The following ITGB2 variants were observed in gnomAD, a reference collection of about 807,000 sequenced individuals.
The protein encoded by ITGB2 is integrin beta-2.
Under a neutral mutation model 86.8 loss-of-function variants are expected in ITGB2, and 56 were observed. That is an observed-to-expected ratio of 0.65 (90% confidence interval 0.52 to 0.81). The LOEUF is 0.81. Ranked by LOEUF, ITGB2 falls within the 30% of genes least tolerant of loss-of-function variation. ITGB2 has a pLI of 0.00. For missense variants in ITGB2, 948 were observed against 1,061.2 expected (o/e 0.89, Z 1.48); for synonymous variants, 457 against 450.4 (o/e 1.01, Z -0.19).
Position 44,891,903 on chromosome 21 carries a change from G to C in ITGB2, c.1318C>G (p.Gln440Glu), listed in dbSNP as rs2083790894. 2 of 1,613,112 alleles carry C rather than the reference G, an allele frequency of 1.2e-6. No homozygotes were observed. Among genetic ancestry groups the C allele is most frequent in the African/African-American group, 2.7e-5 (2 of 74,950 alleles). Residue 440 changes from glutamine to glutamate, a missense_variant, in exon 11 of 16, where the codon CAG becomes GAG. Gln to Glu is a conservative substitution (Grantham distance 29). Coordinates refer to ENST00000652462, the MANE Select transcript of ITGB2 (RefSeq NM_000211.5). ...CGGCACTCACACTGGGGAAGAACCT[G>C]CACGGTCACTATGTCCGTGAAGCCC... is the stretch of plus-strand genomic sequence containing the variant. ...ALGFTDIVTV[Q>E]VLPQCECRCR...
chr21:44,900,405 C>T lies in ITGB2; in HGVS notation c.812G>A (p.Gly271Asp), dbSNP rs2083934883. Reference sequence around the variant, plus strand: ...CAGGATGGCGCCCAGCTTCCCGTCGCCCGCGAAATGGAAGCCGTCATCAGT... The same window carrying T: ...CAGGATGGCGCCCAGCTTCCCGTCGTCCGCGAAATGGAAGCCGTCATCAGT... Reference protein sequence around the residue: ...FATDDGFHFAGDGKLGAILTP... With the variant: ...FATDDGFHFADDGKLGAILTP... The change falls in exon 7 of 16, where the codon GGC becomes GAC. Residue 271 changes from glycine (G) to aspartate (D), a missense_variant. Transcript: ENST00000652462. 1 of 1,613,982 alleles carries T rather than the reference C, an allele frequency of 6.2e-7. No homozygotes were observed. Among genetic ancestry groups the T allele is most frequent in the Non-Finnish European group, 8.5e-7 (1 of 1,179,958 alleles).
chr21:44,905,025 G>A (rs1049370969), intron 4 of ITGB2, among the ~76,000 whole-genome samples: 1 of 152,246 alleles, frequency 6.6e-6, no homozygotes, highest in African/African-American at 2.4e-5. Context: ...TTTGGGGGCC[G>A]TGCGGCGTCT....
rs766199035 is a variant in ITGB2, at chr21:44,886,877, G to A, written c.2106C>T (p.Ala702=). The A allele has an allele frequency of 5.3e-5, 85 of 1,613,412 alleles. No homozygotes were observed. The highest frequency in any genetic ancestry group is 3.1e-4 in the East Asian group (14 of 44,882). The change falls in exon 15 of 16, where the codon GCC becomes GCT. Residue 702 remains alanine, a synonymous_variant. Transcript: ENST00000652462. The part of the protein sequence containing the change: ...SRECVAGPNI[A]AIVGGTVAGI... Reference sequence around the variant, plus strand: ...CTGCCACGGTGCCCCCGACGATGGCGGCGATGTTGGGGCCTGCCACACACT... The same window carrying A: ...CTGCCACGGTGCCCCCGACGATGGCAGCGATGTTGGGGCCTGCCACACACT...
chr21:44,903,349 A>G lies in ITGB2; in HGVS notation c.499+16T>C. 6.2e-7 allele frequency: 1 copy of G among 1,613,958 alleles called. No homozygotes were observed. On this transcript the variant is annotated intron_variant, in intron 5 of 15. Coordinates refer to ENST00000652462, the MANE Select transcript of ITGB2 (RefSeq NM_000211.5). ...GGGAAAGGACTGGGTTTTGTCCTGCAGTGCCTGGGCCTCACCAATGCGGCC... is the reference window on the plus strand; with the variant it reads ...GGGAAAGGACTGGGTTTTGTCCTGCGGTGCCTGGGCCTCACCAATGCGGCC...
rs2083736532 is a variant in ITGB2 at position 44,888,779 on chromosome 21, C to T, written c.1994G>A (p.Arg665Lys). 1.2e-6 allele frequency: 2 copies of T among 1,612,176 alleles called. No homozygotes were observed. The highest frequency in any genetic ancestry group is 4.5e-5 in the East Asian group (2 of 44,878). The change falls in exon 14 of 16, where the codon AGG (arginine) becomes AAG (lysine). Residue 665 changes from arginine (R) to lysine (K), a missense_variant. Coordinates refer to ENST00000652462, the MANE Select transcript of ITGB2 (RefSeq NM_000211.5). ...GGCCACCCAGCAGCCCTCTGAGTCC[C>T]TCTCCTTGCAGGTCCTGCCCTTCAC... ...NPVKGRTCKERDSEGCWVAYT... is the reference protein window; with the variant it reads ...NPVKGRTCKEKDSEGCWVAYT...
rs1225514040 is a variant in ITGB2, at chr21:44,901,543, C to G, written c.690G>C (p.Leu230=). Reference sequence around the variant, plus strand: ...CGTCCAGCCCACCCTCGGGTGCATCCAGGTTTCCGGAAATCAGCTGCTTCC... The same window carrying G: ...CGTCCAGCCCACCCTCGGGTGCATCGAGGTTTCCGGAAATCAGCTGCTTCC... ...EVGKQLISGN[L]DAPEGGLDAM... The change falls in exon 6 of 16, where the codon CTG becomes CTC. Residue 230 remains leucine, a synonymous_variant. Coordinates refer to ENST00000652462, the MANE Select transcript of ITGB2 (RefSeq NM_000211.5). The G allele has an allele frequency of 6.2e-7, 1 of 1,614,254 alleles. No individual in the cohort carries two copies. Among genetic ancestry groups the G allele is most frequent in the South Asian group, 1.1e-5 (1 of 91,092 alleles).
chr21:44,900,313 G>A lies in ITGB2; in HGVS notation c.897+7C>T, dbSNP rs1246881217. On this transcript the variant is annotated splice_region_variant and intron_variant, in intron 7 of 15. Transcript: ENST00000652462. ...GCGGTGCCTGGGTGCCTGGGGTGGGGACTTACGAATTCGTTGCTCCTCTTG... is the reference window on the plus strand; with the variant it reads ...GCGGTGCCTGGGTGCCTGGGGTGGGAACTTACGAATTCGTTGCTCCTCTTG... 4.3e-6 allele frequency: 7 copies of A among 1,614,194 alleles called. No individual in the cohort carries two copies. The highest frequency in any genetic ancestry group is 5.9e-6 in the Non-Finnish European group (7 of 1,180,008).
At position 44,903,454 on chromosome 21, in the gene ITGB2, T is replaced by A; in HGVS notation, c.410A>T (p.Tyr137Phe). 1 of 1,613,712 alleles carries A rather than the reference T, an allele frequency of 6.2e-7. No homozygotes were observed. The highest frequency in any genetic ancestry group is 8.5e-7 in the Non-Finnish European group (1 of 1,179,882). Residue 137 changes from tyrosine to phenylalanine, a missense_variant, in exon 5 of 16, where the codon TAC (tyrosine) becomes TTC (phenylalanine). Tyr to Phe is a conservative substitution (Grantham distance 22). Coordinates refer to ENST00000652462, the MANE Select transcript of ITGB2 (RefSeq NM_000211.5). ...ATTCCTGAGGTCATCAAGCATGGAG[T>A]AGGAGAGGTCCATCAGATAGTACAG... is the stretch of plus-strand genomic sequence containing the variant. The part of the protein sequence containing the change: ...IDLYYLMDLS[Y>F]SMLDDLRNVK...
intron 10 of ITGB2, 69 bp downstream of exon 10, chr21:44,893,335 C>G: frequency 6.3e-7 from 1 of 1,592,004 alleles, no homozygotes; most frequent in South Asian, 1.1e-5. Flanking sequence ...GATGGGGACC[C>G]TGGCTCCTTC....
intron 5 of ITGB2, among the ~76,000 whole-genome samples, chr21:44,902,916 GAC>G (rs1366974572): frequency 3.3e-5 from 5 of 152,238 alleles, no homozygotes; most frequent in African/African-American, 1.2e-4. Flanking sequence ...CGCTGTGACT[GAC>G]ACACACGTGT....
chr21:44,894,678 C>T (rs984364097), intron 9 of ITGB2: 3 of 451,928 alleles, frequency 6.6e-6, no homozygotes, highest in Non-Finnish European at 1.2e-5. Context: ...AGCTGTCCAC[C>T]TCCCTTCTCC....
At chr21:44,892,097 T>G (rs918374128) in intron 10 of ITGB2, 101 bp from the exon 11 acceptor site, 1 of 1,188,976 alleles carries the variant, frequency 8.4e-7, no homozygotes, top group Non-Finnish European at 1.2e-6. Context: ...TCCTGGGGGG[T>G]TCAGCGTGGG....
chr21:44,922,265 C>T (rs550930084), upstream of ITGB2, among the ~76,000 whole-genome samples: 72 of 152,218 alleles, frequency 4.7e-4, 1 homozygote, highest in Non-Finnish European at 1.5e-5. Flanking sequence ...AATATAGATG[C>T]TTGTCAGTGG....
intron 3 of ITGB2, chr21:44,908,248 T>A: frequency 1.6e-6 from 1 of 617,190 alleles, no homozygotes. Flanking sequence ...CCACTTCTCC[T>A]GCTGCCCTCC....
chr21:44,904,895 G>C (rs2084020134), intron 4 of ITGB2, among the ~76,000 whole-genome samples: 1 of 152,122 alleles, frequency 6.6e-6, no homozygotes, highest in African/African-American at 2.4e-5. Flanking sequence ...TTCACACCCG[G>C]CACTCCTGGC....
upstream of ITGB2, among the ~76,000 whole-genome samples, chr21:44,922,176 C>T (rs3761395): frequency 0.18 from 27,785 of 152,020 alleles, 4,137 homozygotes; most frequent in African/African-American, 0.41. Context: ...AGAATATTAA[C>T]GCTGTGAAAC....
At chr21:44,898,407 G>A (rs1207262980) in intron 8 of ITGB2, among the ~76,000 whole-genome samples, 2 of 152,242 alleles carry the variant, frequency 1.3e-5, no homozygotes, top group Non-Finnish European at 2.9e-5. Flanking sequence ...CTGGCACCCA[G>A]GAGGGTCGGC....
chr21:44,888,973 G>A (rs2083741888), intron 13 of ITGB2, 78 bp from the exon 14 acceptor site: 1 of 1,364,536 alleles, frequency 7.3e-7, no homozygotes, highest in Non-Finnish European at 1.0e-6. Context: ...TTGGGTGTGT[G>A]TCCACCAGGG....
intron 10 of ITGB2, chr21:44,893,090 A>G (rs2083814108): frequency 8.4e-6 from 3 of 357,186 alleles, no homozygotes; most frequent in Admixed American, 7.7e-5. Flanking sequence ...GCACCCTCTC[A>G]CTGAGAAGCA....
Sources: gnomAD v4.1 joint callset for allele counts (sites outside exome capture counted in the v4.1 genomes callset) on GRCh38, gnomAD v4.1.1 for gene constraint, MANE v1.5 for transcripts, NCBI Gene and HGNC (gene_info 2026-07-23, HGNC 2026-07-21) for gene names.